PDCL: variants seen among roughly 807,000 people sequenced by gnomAD.
PDCL encodes phosducin like, also known as phosducin-like protein.
Under a neutral mutation model 26.7 loss-of-function variants are expected in PDCL, and 11 were observed. The ratio of observed to expected loss-of-function variants is 0.41; its 90% CI spans 0.26 to 0.68. The LOEUF (loss-of-function observed/expected upper bound fraction) is 0.68. Ranked by LOEUF, PDCL falls within the 30% of genes least tolerant of loss-of-function variation. PDCL has a pLI of 0.30. For missense variants in PDCL, 330 were observed against 371.6 expected, an observed-to-expected ratio of 0.89 and a Z score of 0.92; for synonymous variants, 118 against 134.9, an observed-to-expected ratio of 0.87 and a Z score of 0.87.
intron 1 of PDCL, among the ~76,000 whole-genome samples, chr9:122,827,008 G>A (rs1359616801): frequency 6.6e-6 from 1 of 152,110 alleles, no homozygotes; most frequent in African/African-American, 2.4e-5. Context: ...CTCAGATAAA[G>A]GAAGAGTCTT....
Position 122,820,288 on chromosome 9 carries a change from C to T in PDCL, c.703G>A (p.Ala235Thr), listed in dbSNP as rs1043234018. Reference protein sequence around the residue: ...SSQFTRNALPALLIYKGGELI... With the variant: ...SSQFTRNALPTLLIYKGGELI... ...TCACCCCCCTTATAGATCAGCAGGG[C>T]AGGAAGGGCATTCCTGGTGAACTGA... The change falls in exon 4 of 4, where the codon GCC becomes ACC. Residue 235 changes from alanine (A) to threonine (T), a missense_variant. Ala to Thr is a moderately conservative substitution (Grantham distance 58). Transcript: ENST00000259467. 1.9e-6 allele frequency: 3 copies of T among 1,614,140 alleles called. No homozygotes were observed. The highest frequency in any genetic ancestry group is 2.5e-6 in the Non-Finnish European group (3 of 1,180,008).
chr9:122,824,287 T>C (rs970672194), intron 2 of PDCL, among the ~76,000 whole-genome samples: 27 of 152,276 alleles, frequency 1.8e-4, no homozygotes, highest in African/African-American at 5.8e-4. Context: ...GCCAATGGGA[T>C]TGTGAGCAAA....
At chr9:122,821,739 C>T (rs546040468) in intron 3 of PDCL, among the ~76,000 whole-genome samples, 1 of 151,938 alleles carries the variant, frequency 6.6e-6, no homozygotes, top group African/African-American at 2.4e-5. Flanking sequence ...TCATTCTGGC[C>T]TCTCACCTCA....
In PDCL at chr9:122,820,530, T is replaced by C; in HGVS notation, c.461A>G (p.Lys154Arg). 6.2e-7 allele frequency: 1 copy of C among 1,613,930 alleles called. No individual in the cohort carries two copies. The highest frequency in any genetic ancestry group is 8.5e-7 in the Non-Finnish European group (1 of 1,179,870). ...RMEEMRQQLH[K>R]GPQFKQVFEI... ...AAAAACCTGCTTGAATTGGGGCCCCTTGTGAAGCTGCTGCCGCATCTCTTC... is the reference window on the plus strand; with the variant it reads ...AAAAACCTGCTTGAATTGGGGCCCCCTGTGAAGCTGCTGCCGCATCTCTTC... Residue 154 changes from lysine to arginine, a missense_variant, in exon 4 of 4, where the codon AAG (lysine) becomes AGG (arginine). By Grantham distance (26) the Lys-to-Arg change is conservative. Coordinates refer to ENST00000259467, the MANE Select transcript of PDCL (RefSeq NM_005388.5).
chr9:122,826,960 G>A (rs554663574), intron 1 of PDCL, among the ~76,000 whole-genome samples, 168 bp from the exon 2 acceptor site: 1 of 152,216 alleles, frequency 6.6e-6, no homozygotes, highest in Admixed American at 6.5e-5. Flanking sequence ...CTGTGTGTTA[G>A]GGCTTATCAC....
intron 1 of PDCL, among the ~76,000 whole-genome samples, chr9:122,828,139 G>A (rs1363393008): frequency 4.6e-5 from 7 of 152,144 alleles, no homozygotes; most frequent in Non-Finnish European, 1.0e-4. Context: ...GGGCCAAGCG[G>A]GGGACACAGC....
intron 2 of PDCL, 44 bp from the exon 3 acceptor site, chr9:122,823,241 G>A (rs1247473870): frequency 1.8e-5 from 29 of 1,590,792 alleles, no homozygotes; most frequent in Middle Eastern, 1.7e-4. Context: ...AATGGGCAGG[G>A]AATTATGGAC....
intron 3 of PDCL, among the ~76,000 whole-genome samples, chr9:122,821,961 G>A (rs1029093990): frequency 6.6e-6 from 1 of 151,940 alleles, no homozygotes; most frequent in Non-Finnish European, 1.5e-5. Context: ...GCAACATTCT[G>A]AGTTCACTAT....
At chr9:122,824,241 G>A (rs1829593425) in intron 2 of PDCL, among the ~76,000 whole-genome samples, 1 of 152,188 alleles carries the variant, frequency 6.6e-6, no homozygotes, top group South Asian at 2.1e-4. Context: ...TATATCCCCA[G>A]CCCATTGAGG....
chr9:122,821,682 G>A (rs1307713322), intron 3 of PDCL, among the ~76,000 whole-genome samples: 2 of 152,026 alleles, frequency 1.3e-5, no homozygotes, highest in Admixed American at 6.6e-5. Context: ...CAGCAGGACG[G>A]GAACAGCCTC....
chr9:122,827,505 G>A (rs982436229), intron 1 of PDCL, among the ~76,000 whole-genome samples: 1 of 152,168 alleles, frequency 6.6e-6, no homozygotes, highest in African/African-American at 2.4e-5. Context: ...CTTGAGACCA[G>A]GTATTCGAGA....
At chr9:122,827,133 T>C (rs901284379) in intron 1 of PDCL, among the ~76,000 whole-genome samples, 3 of 152,234 alleles carry the variant, frequency 2.0e-5, no homozygotes, top group African/African-American at 7.2e-5. Flanking sequence ...CCACCTGCAC[T>C]GGCTTGGAGG....
intron 2 of PDCL, among the ~76,000 whole-genome samples, chr9:122,824,756 A>G (rs1202239683): frequency 1.3e-5 from 2 of 152,250 alleles, no homozygotes; most frequent in Admixed American, 6.5e-5. Flanking sequence ...TGCATTCCCA[A>G]TGAAAATACA....
intron 2 of PDCL, among the ~76,000 whole-genome samples, chr9:122,823,472 A>G (rs1452709596): frequency 6.6e-6 from 1 of 152,212 alleles, no homozygotes; most frequent in East Asian, 1.9e-4. Context: ...CTTAGAGTAA[A>G]GCAGCTCTGT....
intron 2 of PDCL, 89 bp downstream of exon 2, chr9:122,826,527 G>A: frequency 5.3e-6 from 6 of 1,131,920 alleles, no homozygotes; most frequent in Non-Finnish European, 7.2e-6. Flanking sequence ...AAGTGATCAG[G>A]AGAATTAATT....
intron 3 of PDCL, among the ~76,000 whole-genome samples, chr9:122,821,443 C>G (rs1829553295): frequency 6.6e-6 from 1 of 151,988 alleles, no homozygotes; most frequent in Non-Finnish European, 1.5e-5. Context: ...GTCATATGGA[C>G]TCTAAAAATT....
chr9:122,826,904 G>C, intron 1 of PDCL, 112 bp from the exon 2 acceptor site: 1 of 967,038 alleles, frequency 1.0e-6, no homozygotes, highest in Non-Finnish European at 1.6e-6. Flanking sequence ...GGACACTAAA[G>C]TGATTATTTT....
chr9:122,822,029 C>T (rs116196278), intron 3 of PDCL, among the ~76,000 whole-genome samples: 1,782 of 152,194 alleles, frequency 0.012, 36 homozygotes, highest in African/African-American at 0.041. Context: ...CTCAGTCTAC[C>T]AGAGTGGCTT....
chr9:122,827,436 T>C (rs1408726736), intron 1 of PDCL, among the ~76,000 whole-genome samples: 4 of 152,108 alleles, frequency 2.6e-5, no homozygotes, highest in African/African-American at 9.7e-5. Flanking sequence ...TAAAGGACTA[T>C]GATGGCCGGG....
Sources: gnomAD v4.1 joint callset for allele counts (sites outside exome capture counted in the v4.1 genomes callset) on GRCh38, gnomAD v4.1.1 for gene constraint, MANE v1.5 for transcripts, NCBI Gene and HGNC (gene_info 2026-07-23, HGNC 2026-07-21) for gene names.